The following SLC8A3 variants were observed in gnomAD, a reference collection of about 807,000 sequenced individuals.
SLC8A3 encodes sodium/calcium exchanger 3.
Under a neutral mutation model 65.4 loss-of-function variants are expected in SLC8A3, and 37 were observed. That is an observed-to-expected ratio of 0.57 (90% confidence interval 0.44 to 0.74). SLC8A3 has a LOEUF of 0.74. Among genes scored for constraint, SLC8A3 ranks in the 30% least tolerant of loss-of-function variants. The probability of loss-of-function intolerance (pLI) is 0.00; values close to 1 mark genes in which losing one functional copy is unlikely to be tolerated. For synonymous variants in SLC8A3, 461 were observed against 444.5 expected, an observed-to-expected ratio of 1.04 and a Z score of -0.47; for missense variants, 1,112 against 1,172.1, an observed-to-expected ratio of 0.95 and a Z score of 0.75.
At position 70,060,869 on chromosome 14, in the gene SLC8A3, C is replaced by G; in HGVS notation, c.1855G>C (p.Gly619Arg). ...CCACGTTCCATCCATTTCGGTTCACCAAGGGCAATGAAGAAATTCTCTTGC... is the reference window on the plus strand; with the variant it reads ...CCACGTTCCATCCATTTCGGTTCACGAAGGGCAATGAAGAAATTCTCTTGC... ...ERQENFFIAL[G>R]EPKWMERGIS... is the part of the protein sequence containing the mutation. The change falls in exon 3 of 7, where the codon GGT becomes CGT. Residue 619 changes from glycine (G) to arginine (R), a missense_variant. Gly to Arg is a moderately radical substitution (Grantham distance 125). Transcript: ENST00000356921. The G allele has an allele frequency of 6.5e-7, 1 of 1,532,760 alleles. No homozygotes were observed. Among genetic ancestry groups the G allele is most frequent in the Non-Finnish European group, 8.8e-7 (1 of 1,140,900 alleles). The allele number at this position is 1,532,760 out of a possible 1,614,324, so 94.9% of individuals were successfully genotyped here. A position where few individuals can be genotyped will look rare whatever the true frequency, so the allele number is the denominator to read the frequency against.
At chr14:70,186,360 C>T (rs1883217445) in intron 1 of SLC8A3, among the ~76,000 whole-genome samples, 1 of 152,086 alleles carries the variant, frequency 6.6e-6, no homozygotes, top group East Asian at 1.9e-4. Context: ...TGAGAACGGA[C>T]TAATACAGGT....
intron 2 of SLC8A3, among the ~76,000 whole-genome samples, chr14:70,115,870 AC>A (rs1205367382): frequency 6.6e-6 from 1 of 152,112 alleles, no homozygotes; most frequent in Non-Finnish European, 1.5e-5. Flanking sequence ...CAGCTTAAAC[AC>A]CTGTAGATTT....
intron 3 of SLC8A3, among the ~76,000 whole-genome samples, chr14:70,057,480 C>T (rs1207192573): frequency 6.6e-6 from 1 of 152,174 alleles, no homozygotes; most frequent in South Asian, 2.1e-4. Context: ...GTCCCTGATG[C>T]CCTGGTTTTC....
intron 2 of SLC8A3, among the ~76,000 whole-genome samples, chr14:70,154,920 CTT>C (rs60863511): frequency 0.061 from 7,871 of 128,794 alleles, 247 homozygotes; most frequent in African/African-American, 0.13. Flanking sequence ...ATTTATCATT[CTT>C]TTTTTTTTTT....
At position 70,080,280 on chromosome 14, in the gene SLC8A3, A is replaced by C. The variant is rs73292556; in HGVS notation, c.1785-19341T>G. On this transcript the variant is annotated intron_variant, in intron 2 of 6. Transcript: ENST00000356921. ...TTGCTATGGTGATGGTGGGGAGGGG[A>C]GGGGAAGGACAGCTTGAAAGGAAAG... 2,778 of 979,802 alleles carry C rather than the reference A, an allele frequency of 2.8e-3. 59 individuals are homozygous for C. In the African/African-American group the frequency reaches 0.043, roughly 15 times the overall value. 60.7% of individuals were successfully genotyped at this position (979,802 alleles called of 1,614,324 possible).
intron 1 of SLC8A3, among the ~76,000 whole-genome samples, chr14:70,181,483 T>C (rs1471550396): frequency 7.0e-6 from 1 of 142,214 alleles, no homozygotes; most frequent in Non-Finnish European, 1.5e-5. Flanking sequence ...AAAAAAAAAG[T>C]GCATTTCAGA....
At chr14:70,136,811 A>G (rs12147341) in intron 2 of SLC8A3, among the ~76,000 whole-genome samples, 17,656 of 152,296 alleles carry the variant, frequency 0.12, 1,233 homozygotes, top group Non-Finnish European at 0.16. Flanking sequence ...TTAAAATGGA[A>G]TTGTTCTAAG....
intron 5 of SLC8A3, 25 bp downstream of exon 5, chr14:70,050,983 A>T: frequency 6.6e-7 from 1 of 1,518,376 alleles, no homozygotes; most frequent in Non-Finnish European, 9.1e-7. Flanking sequence ...TTCTCCCAGC[A>T]AGGCCAGCCT....
intron 2 of SLC8A3, among the ~76,000 whole-genome samples, chr14:70,147,045 G>A (rs1040919889): frequency 1.3e-5 from 2 of 152,172 alleles, no homozygotes; most frequent in Non-Finnish European, 2.9e-5. Context: ...AACGCTTTAG[G>A]ATTCACTCAT....
chr14:70,066,182 C>T (rs1383791850), intron 2 of SLC8A3, among the ~76,000 whole-genome samples: 2 of 152,190 alleles, frequency 1.3e-5, no homozygotes, highest in Admixed American at 6.5e-5. Context: ...TGAGATCATT[C>T]CCAGGGAGGG....
intron 1 of SLC8A3, among the ~76,000 whole-genome samples, chr14:70,184,761 T>G (rs1036583372): frequency 1.3e-5 from 2 of 152,186 alleles, no homozygotes; most frequent in Admixed American, 6.6e-5. Context: ...GGCCATTCTA[T>G]TTTATTTGCC....
At chr14:70,074,220 G>A (rs1463138498) in intron 2 of SLC8A3, among the ~76,000 whole-genome samples, 1 of 152,226 alleles carries the variant, frequency 6.6e-6, no homozygotes, top group Non-Finnish European at 1.5e-5. Context: ...TTTGGGGTGT[G>A]TTGAATTGTG....
At chr14:70,097,325 AT>A (rs1314391683) in intron 2 of SLC8A3, among the ~76,000 whole-genome samples, 7 of 152,112 alleles carry the variant, frequency 4.6e-5, no homozygotes, top group African/African-American at 7.2e-5. Context: ...GATGAATGAA[AT>A]CCCAGCAGCA....
chr14:70,127,614 C>G (rs867712313), intron 2 of SLC8A3, among the ~76,000 whole-genome samples: 1 of 152,166 alleles, frequency 6.6e-6, no homozygotes. Context: ...AGTCCTGCCT[C>G]GGGATGTCCC....
At chr14:70,057,552 C>G (rs1243516320) in intron 3 of SLC8A3, among the ~76,000 whole-genome samples, 1 of 152,202 alleles carries the variant, frequency 6.6e-6, no homozygotes, top group Non-Finnish European at 1.5e-5. Flanking sequence ...CTGCAGTTGG[C>G]TGGAATTCCA....
intron 3 of SLC8A3, among the ~76,000 whole-genome samples, chr14:70,057,435 C>A (rs1449826420): frequency 6.6e-6 from 1 of 152,154 alleles, no homozygotes; most frequent in Non-Finnish European, 1.5e-5. Flanking sequence ...TAAATGAACA[C>A]AGGTGGGTCA....
Position 70,045,590 on chromosome 14 carries a change from A to G in SLC8A3, c.*357T>C, listed in dbSNP as rs1886670476. 1 of 186,306 alleles carries G rather than the reference A, an allele frequency of 5.4e-6. No individual in the cohort carries two copies. The highest frequency in any genetic ancestry group is 2.3e-5 in the African/African-American group (1 of 42,758). 11.5% of individuals were successfully genotyped at this position (186,306 alleles called of 1,614,324 possible). On this transcript the variant is annotated 3_prime_UTR_variant, in exon 7 of 7. Transcript: ENST00000356921. Reference sequence around the variant, plus strand: ...GGCAGAGAGGAGAAACCCTGCTTCCAAAGAAATGAGAGGCAAAGGAATAAT... The same window carrying G: ...GGCAGAGAGGAGAAACCCTGCTTCCGAAGAAATGAGAGGCAAAGGAATAAT...
chr14:70,181,342 AG>A (rs60992398), intron 1 of SLC8A3, among the ~76,000 whole-genome samples: 15,622 of 152,014 alleles, frequency 0.1, 1,070 homozygotes, highest in African/African-American at 0.18. Flanking sequence ...TTCATGGGTG[AG>A]GGAGTATATT....
chr14:70,099,488 C>T (rs976189720), intron 2 of SLC8A3, among the ~76,000 whole-genome samples: 4 of 152,188 alleles, frequency 2.6e-5, no homozygotes, highest in Non-Finnish European at 4.4e-5. Context: ...TTTACTTTAT[C>T]TCATTGAGTC....
Sources: allele counts gnomAD v4.1 joint callset (sites outside exome capture counted in the v4.1 genomes callset), GRCh38; gene constraint gnomAD v4.1.1; transcripts MANE v1.5; gene names NCBI Gene and HGNC (gene_info 2026-07-23, HGNC 2026-07-21).